The following AFF3 variants were observed in gnomAD, a reference collection of about 807,000 sequenced individuals.
AFF3 encodes the protein ALF transcription elongation factor 3.
A neutral mutation model predicts 129.7 loss-of-function variants in AFF3; 32 were observed. The observed-to-expected ratio is 0.25, with a 90% confidence interval of 0.19 to 0.33. The LOEUF (loss-of-function observed/expected upper bound fraction) is 0.33, where lower values mean the gene tolerates loss of function less well. AFF3 is among the 10% of genes least tolerant of loss of function. The pLI is 1.00. For missense variants in AFF3, 1,373 were observed against 1,592.0 expected, an observed-to-expected ratio of 0.86 and a Z score of 2.34; for synonymous variants, 644 against 635.4, an observed-to-expected ratio of 1.01 and a Z score of -0.20.
chr2:100,100,861 G>A (rs1331426988), intron 4 of AFF3, among the ~76,000 whole-genome samples: 2 of 152,266 alleles, frequency 1.3e-5, no homozygotes, highest in East Asian at 1.9e-4. Context: ...ACAGAAGGAA[G>A]ACCAGGGAGT....
intron 7 of AFF3, among the ~76,000 whole-genome samples, chr2:99,947,051 CA>C: frequency 6.6e-6 from 1 of 152,230 alleles, no homozygotes; most frequent in Middle Eastern, 3.4e-3. Context: ...AATATTTATT[CA>C]ATATTTATTA....
At chr2:99,914,704 G>A (rs1393889991) in intron 7 of AFF3, among the ~76,000 whole-genome samples, 1 of 151,756 alleles carries the variant, frequency 6.6e-6, no homozygotes, top group African/African-American at 2.4e-5. Context: ...TCACAAGGTC[G>A]GGAGTTTGAA....
At position 100,034,264 on chromosome 2, in the gene AFF3, C is replaced by A. The variant is rs10171120; in HGVS notation, c.54-25332G>T. ...ACATGTAGAAACAATTATTTTATTG[C>A]AACACATAAAAGTACACTGAATCAT... On this transcript the variant is annotated intron_variant, in intron 4 of 24. Transcript: ENST00000672756. Among the ~76,000 whole-genome samples the A allele has an allele frequency of 4.5e-3, 683 of 152,132 alleles. 6 individuals are homozygous for A. Among genetic ancestry groups the A allele is most frequent in the African/African-American group, 0.016 (658 of 41,508 alleles).
At chr2:99,996,171 A>G (rs1031886794) in intron 7 of AFF3, among the ~76,000 whole-genome samples, 1 of 152,222 alleles carries the variant, frequency 6.6e-6, no homozygotes, top group African/African-American at 2.4e-5. Flanking sequence ...CTGAACCACT[A>G]AAGACCAAGT....
At chr2:100,062,247 G>T (rs1173339101) in intron 4 of AFF3, among the ~76,000 whole-genome samples, 2 of 152,216 alleles carry the variant, frequency 1.3e-5, no homozygotes, top group Non-Finnish European at 2.9e-5. Context: ...GCTGCAGTTG[G>T]AGGGGCCCAG....
intron 8 of AFF3, among the ~76,000 whole-genome samples, chr2:99,818,452 A>G (rs1044191432): frequency 6.6e-6 from 1 of 152,184 alleles, no homozygotes; most frequent in Non-Finnish European, 1.5e-5. Flanking sequence ...ATGAATGTCA[A>G]TCAATTTCCC....
chr2:99,692,265 C>T (rs1675743546), intron 11 of AFF3, among the ~76,000 whole-genome samples: 1 of 152,216 alleles, frequency 6.6e-6, no homozygotes, highest in Non-Finnish European at 1.5e-5. Context: ...GCCCCAGTTG[C>T]TAACTCTGAT....
intron 10 of AFF3, among the ~76,000 whole-genome samples, chr2:99,735,585 C>T (rs1298928072): frequency 3.3e-5 from 5 of 151,040 alleles, no homozygotes; most frequent in Non-Finnish European, 5.9e-5. Flanking sequence ...CTCCGCCTCC[C>T]AGGCTCAAGC....
chr2:100,134,796 C>T (rs1230339837), intron 1 of AFF3, among the ~76,000 whole-genome samples: 4 of 152,198 alleles, frequency 2.6e-5, no homozygotes, highest in Admixed American at 6.5e-5. Context: ...ATCTAAGACC[C>T]ATAGGACCAG....
intron 4 of AFF3, among the ~76,000 whole-genome samples, chr2:100,068,300 A>G (rs1468610449): frequency 6.6e-6 from 1 of 152,222 alleles, no homozygotes; most frequent in Non-Finnish European, 1.5e-5. Flanking sequence ...AATACAGAAA[A>G]CAAAGGAAAT....
At chr2:100,121,032 A>G (rs1316191795) in intron 2 of AFF3, among the ~76,000 whole-genome samples, 4 of 152,212 alleles carry the variant, frequency 2.6e-5, no homozygotes, top group Admixed American at 2.6e-4. Context: ...GTGAAGGTGA[A>G]AAGGTCCGAA....
intron 7 of AFF3, among the ~76,000 whole-genome samples, chr2:99,874,457 T>C (rs1391637559): frequency 6.6e-6 from 1 of 152,224 alleles, no homozygotes; most frequent in Admixed American, 6.5e-5. Flanking sequence ...GGACAGACTC[T>C]AAACAAAGGT....
chr2:99,928,889 TTGA>T (rs1202585445), intron 7 of AFF3, among the ~76,000 whole-genome samples: 4 of 152,156 alleles, frequency 2.6e-5, no homozygotes, highest in African/African-American at 9.7e-5. Context: ...GCAGCAGCCT[TTGA>T]TGATAACAAC....
At chr2:99,556,298 G>A (rs11895230) in intron 22 of AFF3, among the ~76,000 whole-genome samples, 12,150 of 152,158 alleles carry the variant, frequency 0.08, 1,672 homozygotes, top group African/African-American at 0.28. Context: ...ACAAAAAATT[G>A]GCCGGGTGTG....
At chr2:99,822,809 G>C (rs6719505) in intron 8 of AFF3, among the ~76,000 whole-genome samples, 1 of 151,992 alleles carries the variant, frequency 6.6e-6, no homozygotes, top group Non-Finnish European at 1.5e-5. Context: ...AAAGAGCTCC[G>C]CTTTTATTTC....
chr2:99,885,297 T>C (rs1049619351), intron 7 of AFF3, among the ~76,000 whole-genome samples: 3 of 151,998 alleles, frequency 2.0e-5, no homozygotes, highest in Non-Finnish European at 4.4e-5. Context: ...TCCCTCATTT[T>C]CCCCCTCAAA....
chr2:99,876,688 C>T (rs1349844292), intron 7 of AFF3, among the ~76,000 whole-genome samples: 3 of 152,118 alleles, frequency 2.0e-5, no homozygotes, highest in Non-Finnish European at 2.9e-5. Context: ...AACAAAAATT[C>T]TTAACATAGC....
At chr2:99,989,157 G>T (rs778559411) in intron 7 of AFF3, among the ~76,000 whole-genome samples, 3 of 152,250 alleles carry the variant, frequency 2.0e-5, no homozygotes, top group Non-Finnish European at 4.4e-5. Flanking sequence ...AGTATGGTCA[G>T]TGCTGGTCAT....
chr2:99,978,711 A>G (rs1031966270), intron 7 of AFF3, among the ~76,000 whole-genome samples: 2 of 152,182 alleles, frequency 1.3e-5, no homozygotes, highest in South Asian at 4.1e-4. Context: ...TGACTAGATC[A>G]TAAGGGCAGA....
Sources: allele counts gnomAD v4.1 joint callset (sites outside exome capture counted in the v4.1 genomes callset), GRCh38; gene constraint gnomAD v4.1.1; transcripts MANE v1.5; gene names NCBI Gene and HGNC (gene_info 2026-07-23, HGNC 2026-07-21).